Variants in RELN observed in about 807,000 individuals in gnomAD.
RELN encodes reelin.
Under a neutral mutation model 427.6 loss-of-function variants are expected in RELN, and 108 were observed. The ratio of observed to expected loss-of-function variants is 0.25; its 90% confidence interval spans 0.22 to 0.30. The LOEUF (loss-of-function observed/expected upper bound fraction) is 0.30, where lower values mean the gene tolerates loss of function less well. Among genes scored for constraint, RELN ranks in the 10% least tolerant of loss-of-function variants. The pLI, the probability that RELN is intolerant of heterozygous loss-of-function variation, is 1.00. For synonymous variants in RELN, 1,524 were observed against 1,513.4 expected (o/e 1.01, Z -0.16); for missense variants, 3,715 against 4,302.8 (o/e 0.86, Z 3.82).
At chr7:103,772,666 A>C (rs1348094975) in intron 4 of RELN, among the ~76,000 whole-genome samples, 1 of 152,212 alleles carries the variant, frequency 6.6e-6, no homozygotes. Flanking sequence ...ACAGAACAAA[A>C]GGATGTAAAA....
intron 2 of RELN, among the ~76,000 whole-genome samples, chr7:103,907,138 C>A (rs78177975): frequency 0.066 from 9,834 of 149,184 alleles, 351 homozygotes; most frequent in African/African-American, 0.1. Flanking sequence ...CCAGGCACAG[C>A]CAGGCGCGGT....
chr7:103,731,707 T>G (rs968575571), intron 6 of RELN, among the ~76,000 whole-genome samples: 1 of 151,992 alleles, frequency 6.6e-6, no homozygotes, highest in African/African-American at 2.4e-5. Context: ...GTAACTCAAG[T>G]AAGATATAAT....
At chr7:103,655,449 T>A (rs375326599) in intron 12 of RELN, among the ~76,000 whole-genome samples, 1 of 152,028 alleles carries the variant, frequency 6.6e-6, no homozygotes, top group African/African-American at 2.4e-5. Context: ...ACATCAACAT[T>A]CTAGAATAAA....
chr7:103,575,819 T>A, intron 28 of RELN, 114 bp from the exon 29 acceptor site: 6 of 1,161,884 alleles, frequency 5.2e-6, no homozygotes, highest in Non-Finnish European at 7.7e-6. Flanking sequence ...TTGAAAGTCA[T>A]GTCTGCTTGA....
chr7:103,799,340 A>G (rs1181352255), intron 3 of RELN, among the ~76,000 whole-genome samples: 1 of 152,170 alleles, frequency 6.6e-6, no homozygotes, highest in Non-Finnish European at 1.5e-5. Flanking sequence ...ATAGGATGCT[A>G]CTACAATTAG....
At chr7:103,827,822 A>G (rs367564810) in intron 3 of RELN, among the ~76,000 whole-genome samples, 71 of 152,194 alleles carry the variant, frequency 4.7e-4, no homozygotes, top group African/African-American at 1.6e-3. Context: ...AAAAGAAAAA[A>G]AAGACGTGAT....
intron 29 of RELN, among the ~76,000 whole-genome samples, chr7:103,575,048 A>G (rs916982356): frequency 1.3e-5 from 2 of 152,204 alleles, no homozygotes; most frequent in African/African-American, 4.8e-5. Context: ...GAGGCCATGC[A>G]GCCATGCAGC....
intron 3 of RELN, among the ~76,000 whole-genome samples, chr7:103,810,054 T>A (rs1325116119): frequency 6.6e-6 from 1 of 152,194 alleles, no homozygotes; most frequent in African/African-American, 2.4e-5. Flanking sequence ...AAATCTCTAC[T>A]TTTAATAAAT....
intron 2 of RELN, among the ~76,000 whole-genome samples, chr7:103,877,404 A>C (rs1233952918): frequency 6.6e-6 from 1 of 151,990 alleles, no homozygotes; most frequent in Non-Finnish European, 1.5e-5. Flanking sequence ...CAGAAACCTG[A>C]GCCTTACTTT....
At chr7:103,843,236 GCTCTGTCAC>G (rs917694309) in intron 2 of RELN, among the ~76,000 whole-genome samples, 2 of 151,734 alleles carry the variant, frequency 1.3e-5, no homozygotes, top group African/African-American at 4.8e-5. Context: ...ACAGGGTCTT[GCTCTGTCAC>G]CTAGGCTCAG....
intron 8 of RELN, 68 bp downstream of exon 8, chr7:103,723,072 T>G: frequency 1.0e-6 from 1 of 965,316 alleles, no homozygotes; most frequent in Non-Finnish European, 1.7e-6. Flanking sequence ...ATTATAATCC[T>G]GATTGCACAC....
chr7:103,547,772 T>A lies in RELN; in HGVS notation c.6303-2428A>T, dbSNP rs362767. 6.2e-4 allele frequency among the ~76,000 whole-genome samples: 94 copies of A among 152,196 alleles called. 1 individual carries two copies. Among genetic ancestry groups the A allele is most frequent in the Non-Finnish European group, 8.8e-5 (6 of 67,986 alleles). On this transcript the variant is annotated intron_variant, in intron 41 of 64. Coordinates refer to ENST00000428762, the MANE Select transcript of RELN (RefSeq NM_005045.4). Reference sequence around the variant, plus strand: ...TCCTTTGAACAAAAGCCTACAAGGATTTTTTTTGAACTTCTTATTTATTCA... The same window carrying A: ...TCCTTTGAACAAAAGCCTACAAGGAATTTTTTTGAACTTCTTATTTATTCA...
intron 1 of RELN, among the ~76,000 whole-genome samples, chr7:103,950,988 G>T (rs1023216130): frequency 1.3e-5 from 2 of 152,168 alleles, no homozygotes; most frequent in Admixed American, 6.6e-5. Flanking sequence ...GAGTGCAGTG[G>T]CATGATTATC....
chr7:103,586,957 C>T (rs187533325), intron 28 of RELN, among the ~76,000 whole-genome samples: 1 of 152,192 alleles, frequency 6.6e-6, no homozygotes, highest in Admixed American at 6.5e-5. Context: ...ACCACAATGC[C>T]CAAAGCAATC....
chr7:103,668,479 C>T (rs553635244), intron 11 of RELN, among the ~76,000 whole-genome samples: 1 of 152,084 alleles, frequency 6.6e-6, no homozygotes, highest in Non-Finnish European at 1.5e-5. Flanking sequence ...TAAGGCCAAC[C>T]ACCTGTTCAG....
intron 2 of RELN, among the ~76,000 whole-genome samples, chr7:103,834,516 C>G (rs1299811934): frequency 6.6e-6 from 1 of 152,072 alleles, no homozygotes; most frequent in Non-Finnish European, 1.5e-5. Context: ...CCAAGCTGAG[C>G]TATCAGGGGA....
intron 46 of RELN, among the ~76,000 whole-genome samples, chr7:103,528,689 C>T (rs541637682): frequency 1.3e-4 from 19 of 151,800 alleles, no homozygotes; most frequent in South Asian, 6.2e-4. Context: ...CCACCGCGCC[C>T]GGCTAATTTT....
At chr7:103,695,825 GT>G (rs1833967343) in intron 10 of RELN, among the ~76,000 whole-genome samples, 1 of 152,040 alleles carries the variant, frequency 6.6e-6, no homozygotes, top group Admixed American at 6.6e-5. Context: ...TCTGACGAAT[GT>G]TTTTTTCTAG....
chr7:103,759,107 AAAAT>A (rs770859009), intron 4 of RELN, among the ~76,000 whole-genome samples: 1 of 152,124 alleles, frequency 6.6e-6, no homozygotes, highest in Non-Finnish European at 1.5e-5. Flanking sequence ...AAGTTTGAAA[AAAAT>A]AGATTGCTTA....
Sources: allele counts gnomAD v4.1 joint callset (sites outside exome capture counted in the v4.1 genomes callset), GRCh38; gene constraint gnomAD v4.1.1; transcripts MANE v1.5; gene names NCBI Gene and HGNC (gene_info 2026-07-23, HGNC 2026-07-21).